C3orf52: variants seen among roughly 807,000 people sequenced by gnomAD.
C3orf52 encodes chromosome 3 open reading frame 52, also known as TPA-induced transmembrane protein.
In C3orf52, 22 loss-of-function variants were observed where a neutral mutation model predicts 24.8. That is an observed-to-expected ratio of 0.89 (90% CI 0.63 to 1.27). C3orf52 has a LOEUF of 1.27. Ranked by LOEUF, C3orf52 falls within the 50% of genes most tolerant of loss-of-function variation. C3orf52 has a pLI of 0.00. For missense variants in C3orf52, 265 were observed against 260.7 expected (o/e 1.02, Z -0.11); for synonymous variants, 93 against 100.2 (o/e 0.93, Z 0.43).
chr3:112,109,670 C>A, intron 4 of C3orf52, 57 bp downstream of exon 4: 1 of 1,074,208 alleles, frequency 9.3e-7, no homozygotes, highest in Non-Finnish European at 1.4e-6. Flanking sequence ...ATCCCCCCAC[C>A]CCACCCTTCG....
chr3:112,108,725 AT>A (rs1312647750), intron 3 of C3orf52, among the ~76,000 whole-genome samples: 3 of 152,240 alleles, frequency 2.0e-5, no homozygotes, highest in Non-Finnish European at 4.4e-5. Context: ...TTAGAAGATT[AT>A]GTAGAATATG....
At position 112,117,049 on chromosome 3, in the gene C3orf52, C is replaced by A. The variant is rs1020704160; in HGVS notation, c.*403C>A. The stretch of plus-strand genomic sequence containing the variant: ...CACTGCTATTCTTGAAGCACTCCAC[C>A]CACCTGGGCTACTTTTTCTTTAGTG... On this transcript the variant is annotated 3_prime_UTR_variant, in exon 6 of 6. Coordinates refer to ENST00000264848, the MANE Select transcript of C3orf52 (RefSeq NM_024616.3). 17 of 865,622 alleles carry A rather than the reference C, an allele frequency of 2.0e-5. No homozygotes were observed. The African/African-American group carries it at 2.7e-4, about 14-fold the overall frequency. The allele number at this position is 865,622 out of a possible 1,614,324, so 53.6% of individuals were successfully genotyped here. A position where few individuals can be genotyped will look rare whatever the true frequency, so the allele number is the denominator to read the frequency against.
rs1026572260 is a variant in C3orf52 at position 112,102,968 on chromosome 3, A to G, written c.396+3A>G. On this transcript the variant is annotated splice_donor_region_variant and intron_variant, in intron 3 of 5. Transcript: ENST00000264848. ...TGCCTCACCTGCTCACCGAAAGGGT[A>G]ATTCCATCTTATATATTGCCTAAGG... is the stretch of plus-strand genomic sequence containing the variant. The G allele has an allele frequency of 5.0e-6, 8 of 1,611,926 alleles. No homozygotes were observed. The highest frequency in any genetic ancestry group is 6.8e-6 in the Non-Finnish European group (8 of 1,179,096).
At chr3:112,133,196 C>G, downstream of C3orf52, 1 of 1,523,594 alleles carries the variant, frequency 6.6e-7, no homozygotes, top group Non-Finnish European at 9.1e-7. Context: ...CAGGGCAACT[C>G]CTGACTTAAA....
At chr3:112,098,573 T>C (rs146195406) in intron 2 of C3orf52, among the ~76,000 whole-genome samples, 291 of 152,310 alleles carry the variant, frequency 1.9e-3, no homozygotes, top group African/African-American at 6.3e-3. Context: ...TCAATTATTA[T>C]ACATGTGAAA....
chr3:112,098,775 G>A (rs1479296782), intron 2 of C3orf52, among the ~76,000 whole-genome samples: 1 of 152,122 alleles, frequency 6.6e-6, no homozygotes, highest in Non-Finnish European at 1.5e-5. Context: ...ATGCCTTCTA[G>A]CTATATCTTC....
At chr3:112,135,984 C>T (rs2074547055), downstream of C3orf52, among the ~76,000 whole-genome samples, 1 of 152,184 alleles carries the variant, frequency 6.6e-6, no homozygotes, top group Non-Finnish European at 1.5e-5. Context: ...TTTCGTTTAT[C>T]TCAGAGCACA....
chr3:112,125,068 G>A (rs753041300), intron 4 of C3orf52, among the ~76,000 whole-genome samples: 7 of 152,062 alleles, frequency 4.6e-5, no homozygotes, highest in African/African-American at 9.7e-5. Flanking sequence ...TCTGCCACCC[G>A]GCCCTGCACC....
chr3:112,134,655 T>G (rs911130261), downstream of C3orf52: 1 of 152,254 alleles, frequency 6.6e-6, no homozygotes, highest in African/African-American at 2.4e-5. Context: ...GTGAAACTTA[T>G]GTCCTCTAAG....
chr3:112,092,954 A>G (rs2073893008), intron 1 of C3orf52, among the ~76,000 whole-genome samples: 2 of 152,142 alleles, frequency 1.3e-5, no homozygotes, highest in African/African-American at 4.8e-5. Flanking sequence ...GACAGCTATC[A>G]ACACCCTCTG....
chr3:112,106,174 A>G (rs2074021395), intron 3 of C3orf52, among the ~76,000 whole-genome samples: 1 of 152,148 alleles, frequency 6.6e-6, no homozygotes, highest in African/African-American at 2.4e-5. Context: ...TCACATAGGC[A>G]TGGTGGATTA....
chr3:112,116,607 T>C, intron 5 of C3orf52, 35 bp from the exon 6 acceptor site: 1 of 1,507,314 alleles, frequency 6.6e-7, no homozygotes, highest in East Asian at 2.3e-5. Context: ...GTTTTAAAAA[T>C]CAGTAACTTT....
intron 4 of C3orf52, among the ~76,000 whole-genome samples, chr3:112,127,307 A>G (rs1228577714): frequency 2.6e-5 from 4 of 152,190 alleles, no homozygotes; most frequent in Non-Finnish European, 5.9e-5. Context: ...ATGGTGATAG[A>G]GGTTACTTTT....
At chr3:112,103,146 A>G (rs2073990398) in intron 3 of C3orf52, among the ~76,000 whole-genome samples, 181 bp downstream of exon 3, 1 of 152,170 alleles carries the variant, frequency 6.6e-6, no homozygotes, top group East Asian at 1.9e-4. Context: ...TCTCACTTAC[A>G]AGTGGGAGCT....
At chr3:112,106,255 C>T (rs2074022535) in intron 3 of C3orf52, among the ~76,000 whole-genome samples, 1 of 25,540 alleles carries the variant, frequency 3.9e-5, no homozygotes, top group African/African-American at 8.1e-5. Flanking sequence ...CTTCAGATTT[C>T]TTCTTCTTCT....
intron 1 of C3orf52, 41 bp downstream of exon 1, chr3:112,086,586 G>A (rs1393299338): frequency 3.4e-6 from 5 of 1,466,332 alleles, no homozygotes; most frequent in African/African-American, 1.6e-5. Flanking sequence ...GCCGGCGGCG[G>A]GACAGTAGTA....
intron 1 of C3orf52, among the ~76,000 whole-genome samples, chr3:112,091,549 G>C (rs1276121052): frequency 6.6e-6 from 1 of 152,156 alleles, no homozygotes; most frequent in African/African-American, 2.4e-5. Context: ...TTACAATCTG[G>C]TCCACTAGGT....
downstream of C3orf52, chr3:112,133,067 T>C: frequency 6.2e-7 from 1 of 1,611,130 alleles, no homozygotes; most frequent in Middle Eastern, 1.7e-4. Context: ...TCTCCTCTGC[T>C]CTCCCACAGG....
downstream of C3orf52, chr3:112,129,757 T>C (rs2074408715): frequency 6.6e-6 from 1 of 152,194 alleles, no homozygotes; most frequent in Admixed American, 6.5e-5. Flanking sequence ...GGCATTGGTG[T>C]TAGAAAATAA....
Sources: gnomAD v4.1 joint callset for allele counts (sites outside exome capture counted in the v4.1 genomes callset) on GRCh38, gnomAD v4.1.1 for gene constraint, MANE v1.5 for transcripts, NCBI Gene and HGNC (gene_info 2026-07-23, HGNC 2026-07-21) for gene names.